Variants in UHRF2 observed in about 807,000 individuals in gnomAD.
UHRF2 encodes the protein ubiquitin like with PHD and ring finger domains 2.
A neutral mutation model predicts 96.8 loss-of-function variants in UHRF2; 23 were observed. The ratio of observed to expected loss-of-function variants is 0.24; its 90% CI spans 0.17 to 0.34. The LOEUF is 0.34. UHRF2 is among the 10% of genes least tolerant of loss of function. The probability of loss-of-function intolerance (pLI) is 1.00; values close to 1 mark genes in which losing one functional copy is unlikely to be tolerated. For synonymous variants in UHRF2, 385 were observed against 332.6 expected (o/e 1.16, Z -1.72); for missense variants, 685 against 981.5 (o/e 0.70, Z 4.04).
At position 6,433,968 on chromosome 9, in the gene UHRF2, C is replaced by T; in HGVS notation, c.439C>T (p.His147Tyr). The T allele has an allele frequency of 1.2e-6, 2 of 1,614,046 alleles. No individual in the cohort carries two copies. Among genetic ancestry groups the T allele is most frequent in the Non-Finnish European group, 1.7e-6 (2 of 1,180,008 alleles). ...DVGLGAWFEAHIHSVTRASDG... is the reference protein window; with the variant it reads ...DVGLGAWFEAYIHSVTRASDG... ...CGGCCTTGGTGCTTGGTTTGAAGCA[C>T]ACATACATAGTGTTACTAGAGCTTC... The change falls in exon 3 of 16, where the codon CAC becomes TAC. Residue 147 changes from histidine (H) to tyrosine (Y), a missense_variant. His to Tyr is a moderately conservative substitution (Grantham distance 83). Coordinates refer to ENST00000276893, the MANE Select transcript of UHRF2 (RefSeq NM_152896.3).
intron 4 of UHRF2, among the ~76,000 whole-genome samples, chr9:6,467,123 CA>C (rs1822913194): frequency 6.6e-6 from 1 of 152,168 alleles, no homozygotes; most frequent in Non-Finnish European, 1.5e-5. Context: ...TTTCACTAGG[CA>C]AAAATCATTG....
At chr9:6,493,103 A>G (rs1587874568) in intron 9 of UHRF2, among the ~76,000 whole-genome samples, 1 of 152,022 alleles carries the variant, frequency 6.6e-6, no homozygotes, top group South Asian at 2.1e-4. Context: ...TTGGAGACCA[A>G]CATGGCCAAC....
rs527701608 is a variant in UHRF2, at chr9:6,466,793, G to T, written c.863+6002G>T. ...TGCTTGATCACGCAAACATGCTCCT[G>T]CCTTGGGGCCTTTGTACTTGATGTT... On this transcript the variant is annotated intron_variant, in intron 4 of 15. Transcript: ENST00000276893. Among the ~76,000 whole-genome samples, 14 of 152,286 alleles carry T rather than the reference G, an allele frequency of 9.2e-5. No individual in the cohort carries two copies. The East Asian group carries it at 2.7e-3, about 29-fold the overall frequency.
At chr9:6,464,210 G>C (rs1010498699) in intron 4 of UHRF2, among the ~76,000 whole-genome samples, 1 of 152,108 alleles carries the variant, frequency 6.6e-6, no homozygotes, top group Admixed American at 6.5e-5. Flanking sequence ...GAATCTTTTC[G>C]TATTTTTATT....
At chr9:6,439,449 T>G (rs1262491561) in intron 3 of UHRF2, among the ~76,000 whole-genome samples, 5 of 152,212 alleles carry the variant, frequency 3.3e-5, no homozygotes, top group Non-Finnish European at 7.3e-5. Flanking sequence ...CTTCTTGAAT[T>G]GTTGAAGGTT....
intron 3 of UHRF2, among the ~76,000 whole-genome samples, chr9:6,454,691 T>C (rs1040033438): frequency 5.9e-5 from 9 of 152,206 alleles, no homozygotes; most frequent in African/African-American, 2.2e-4. Flanking sequence ...GCTAGCTCCT[T>C]CTAACTTCAG....
At chr9:6,429,360 GC>G (rs1291370018) in intron 2 of UHRF2, among the ~76,000 whole-genome samples, 1 of 152,220 alleles carries the variant, frequency 6.6e-6, no homozygotes, top group East Asian at 1.9e-4. Context: ...ATGGTAAACA[GC>G]TAATGTTTAC....
At chr9:6,434,232 T>C in intron 3 of UHRF2, 59 bp downstream of exon 3, 2 of 1,516,090 alleles carry the variant, frequency 1.3e-6, no homozygotes, top group Non-Finnish European at 1.8e-6. Context: ...AACCAAAGCC[T>C]TCTATTTCAA....
At chr9:6,486,132 A>G (rs1053387183) in intron 8 of UHRF2, among the ~76,000 whole-genome samples, 1 of 152,180 alleles carries the variant, frequency 6.6e-6, no homozygotes, top group Non-Finnish European at 1.5e-5. Flanking sequence ...TGACCACTTA[A>G]TATATTTTAA....
At chr9:6,461,413 C>A (rs1324023424) in intron 4 of UHRF2, among the ~76,000 whole-genome samples, 1 of 137,608 alleles carries the variant, frequency 7.3e-6, no homozygotes, top group African/African-American at 2.7e-5. Context: ...TGTTCTGTCA[C>A]CCAGGCTGGA....
intron 1 of UHRF2, among the ~76,000 whole-genome samples, chr9:6,419,860 C>G (rs564408735): frequency 3.3e-5 from 5 of 152,262 alleles, no homozygotes; most frequent in African/African-American, 1.2e-4. Flanking sequence ...CCACCTCAGC[C>G]TCCTGAGTAG....
chr9:6,423,007 C>A (rs1313908190), intron 2 of UHRF2: 1 of 209,836 alleles, frequency 4.8e-6, no homozygotes, highest in Non-Finnish European at 9.4e-6. Flanking sequence ...TTTATCCTTT[C>A]CTATCTTTGT....
chr9:6,416,533 A>ATTT (rs1819608134), intron 1 of UHRF2, among the ~76,000 whole-genome samples: 2 of 138,120 alleles, frequency 1.4e-5, no homozygotes, highest in African/African-American at 5.5e-5. Flanking sequence ...GGATCTCTAA[A>ATTT]TCTTTTTTTT....
At chr9:6,448,827 C>CT (rs1433252275) in intron 3 of UHRF2, among the ~76,000 whole-genome samples, 1 of 152,210 alleles carries the variant, frequency 6.6e-6, no homozygotes, top group Non-Finnish European at 1.5e-5. Flanking sequence ...TGAATGTCAC[C>CT]TTTTAAAGTT....
rs534740910 is a variant in UHRF2 at position 6,462,794 on chromosome 9, G to A, written c.863+2003G>A. 2.6e-5 allele frequency among the ~76,000 whole-genome samples: 4 copies of A among 152,262 alleles called. No homozygotes were observed. In the South Asian group the frequency reaches 8.3e-4, roughly 32 times the overall value. On this transcript the variant is annotated intron_variant, in intron 4 of 15. Transcript: ENST00000276893. ...TAGCTGGGTGTAGTGGCACGTGCCT[G>A]TAGTCCCAGCTACATGGGTGGCTGA...
intron 3 of UHRF2, among the ~76,000 whole-genome samples, chr9:6,445,166 T>A (rs1419880908): frequency 6.6e-6 from 1 of 150,446 alleles, no homozygotes; most frequent in Non-Finnish European, 1.5e-5. Flanking sequence ...TTGGTTTGAA[T>A]TCCAGGTCTT....
intron 9 of UHRF2, among the ~76,000 whole-genome samples, chr9:6,490,729 G>T (rs1221848470): frequency 6.6e-6 from 1 of 152,202 alleles, no homozygotes; most frequent in African/African-American, 2.4e-5. Context: ...CATTTGTGGA[G>T]ATAAGTACTG....
At chr9:6,448,401 A>G (rs74754610) in intron 3 of UHRF2, among the ~76,000 whole-genome samples, 2,875 of 152,298 alleles carry the variant, frequency 0.019, 96 homozygotes, top group African/African-American at 0.066. Flanking sequence ...TAGTTTCTAT[A>G]ATATGTTCAA....
intron 3 of UHRF2, among the ~76,000 whole-genome samples, chr9:6,445,584 G>T (rs530048546): frequency 6.6e-6 from 1 of 152,054 alleles, no homozygotes; most frequent in Non-Finnish European, 1.5e-5. Flanking sequence ...TTGAGACAGG[G>T]TCTTACTGTG....
Sources: allele counts gnomAD v4.1 joint callset (sites outside exome capture counted in the v4.1 genomes callset), GRCh38; gene constraint gnomAD v4.1.1; transcripts MANE v1.5; gene names NCBI Gene and HGNC (gene_info 2026-07-23, HGNC 2026-07-21).